The following ZNF892 variants were observed in gnomAD, a reference collection of about 807,000 sequenced individuals.
ZNF892 encodes zinc finger protein 570-like.
At chr2:95,239,359 C>T in the ZNF892 span, among the ~76,000 whole-genome samples, 1 of 152,138 alleles carries the variant, frequency 6.6e-6, no homozygotes, top group Non-Finnish European at 1.5e-5. Flanking sequence ...GTTGACAAAG[C>T]TGCAGCAGGG....
the ZNF892 span, among the ~76,000 whole-genome samples, chr2:95,236,224 A>G: frequency 6.6e-6 from 1 of 152,226 alleles, no homozygotes; most frequent in Non-Finnish European, 1.5e-5. Flanking sequence ...TGTTGAACCT[A>G]TGCAAACAAC....
At chr2:95,217,733 T>C in the ZNF892 span, among the ~76,000 whole-genome samples, 1 of 152,096 alleles carries the variant, frequency 6.6e-6, no homozygotes, top group Non-Finnish European at 1.5e-5. Context: ...ATAACCCTCT[T>C]TTGCTCAATG....
chr2:95,219,369 G>A, the ZNF892 span, among the ~76,000 whole-genome samples: 1 of 152,058 alleles, frequency 6.6e-6, no homozygotes, highest in Non-Finnish European at 1.5e-5. Context: ...TGATTCTGCT[G>A]TTGAGACCAT....
chr2:95,210,851 A>G, the ZNF892 span, among the ~76,000 whole-genome samples: 1 of 152,170 alleles, frequency 6.6e-6, no homozygotes, highest in Admixed American at 6.5e-5. Flanking sequence ...GAGTCAGGGA[A>G]GGCTTCCCTT....
chr2:95,229,398 A>G, the ZNF892 span, among the ~76,000 whole-genome samples: 1 of 152,282 alleles, frequency 6.6e-6, no homozygotes, highest in Admixed American at 6.5e-5. Context: ...TTCTGCTGGA[A>G]GGCTCCTCCA....
At chr2:95,262,170 G>A in the ZNF892 span, among the ~76,000 whole-genome samples, 188 of 152,290 alleles carry the variant, frequency 1.2e-3, no homozygotes, top group African/African-American at 4.4e-3. Context: ...AAACTTAAAT[G>A]TATTAGGCAG....
At chr2:95,228,437 T>C in the ZNF892 span, among the ~76,000 whole-genome samples, 8 of 152,018 alleles carry the variant, frequency 5.3e-5, no homozygotes, top group Admixed American at 2.0e-4. Flanking sequence ...TTTAAAAAAA[T>C]TTTTTTTGCA....
the ZNF892 span, among the ~76,000 whole-genome samples, chr2:95,248,465 C>T: frequency 6.6e-6 from 1 of 152,136 alleles, no homozygotes; most frequent in Non-Finnish European, 1.5e-5. Context: ...AGGTAACAAA[C>T]CAGCACATGT....
At chr2:95,246,382 A>G in the ZNF892 span, among the ~76,000 whole-genome samples, 4 of 152,332 alleles carry the variant, frequency 2.6e-5, no homozygotes, top group Admixed American at 2.0e-4. Flanking sequence ...TAAGAGCCAT[A>G]TATGACAAAC....
At chr2:95,208,933 C>A in the ZNF892 span, among the ~76,000 whole-genome samples, 147 of 152,336 alleles carry the variant, frequency 9.6e-4, no homozygotes, top group African/African-American at 3.3e-3. Flanking sequence ...TCTCTGCCCA[C>A]TGAGTGTTTG....
At chr2:95,245,844 T>G in the ZNF892 span, among the ~76,000 whole-genome samples, 1 of 152,018 alleles carries the variant, frequency 6.6e-6, no homozygotes, top group South Asian at 2.1e-4. Flanking sequence ...AATAGACCAA[T>G]AACAAGTCCT....
the ZNF892 span, among the ~76,000 whole-genome samples, chr2:95,256,311 T>G: frequency 6.6e-6 from 1 of 152,336 alleles, no homozygotes; most frequent in East Asian, 1.9e-4. Context: ...TAAAGGATTT[T>G]ATTTCTCCTT....
chr2:95,228,097 A>G, the ZNF892 span, among the ~76,000 whole-genome samples: 1 of 152,166 alleles, frequency 6.6e-6, no homozygotes, highest in Non-Finnish European at 1.5e-5. Flanking sequence ...AGTTTCCTTC[A>G]GTCTGGAATG....
chr2:95,255,087 G>T, the ZNF892 span, among the ~76,000 whole-genome samples: 1 of 152,090 alleles, frequency 6.6e-6, no homozygotes, highest in East Asian at 1.9e-4. Flanking sequence ...CTTCAGTTCT[G>T]CTCTGATCTT....
chr2:95,222,658 A>G, the ZNF892 span, among the ~76,000 whole-genome samples: 12 of 152,196 alleles, frequency 7.9e-5, no homozygotes, highest in Admixed American at 6.5e-4. Context: ...GCCATTTTAA[A>G]AGAATTCTAT....
the ZNF892 span, among the ~76,000 whole-genome samples, chr2:95,228,604 T>C: frequency 6.6e-6 from 1 of 152,226 alleles, no homozygotes; most frequent in Non-Finnish European, 1.5e-5. Flanking sequence ...CTAACAACTT[T>C]TCACCTAGTG....
At chr2:95,237,217 G>A in the ZNF892 span, among the ~76,000 whole-genome samples, 4 of 150,478 alleles carry the variant, frequency 2.7e-5, no homozygotes, top group South Asian at 2.1e-4. Context: ...GCGCGATCAC[G>A]GCTCACTGCA....
the ZNF892 span, among the ~76,000 whole-genome samples, chr2:95,253,167 T>C: frequency 3.8e-3 from 580 of 152,370 alleles, 3 homozygotes; most frequent in Non-Finnish European, 6.0e-3. Flanking sequence ...CCCATGCCTA[T>C]GTCCTGAATG....
chr2:95,222,605 T>G, the ZNF892 span, among the ~76,000 whole-genome samples: 1 of 152,368 alleles, frequency 6.6e-6, no homozygotes, highest in South Asian at 2.1e-4. Flanking sequence ...TTCGTGTGCT[T>G]ATTGTCCATC....
Sources: allele counts gnomAD v4.1 joint callset (sites outside exome capture counted in the v4.1 genomes callset), GRCh38; gene constraint gnomAD v4.1.1; transcripts MANE v1.5; gene names NCBI Gene and HGNC (gene_info 2026-07-23, HGNC 2026-07-21).